BMPR1B: variants seen among roughly 807,000 people sequenced by gnomAD.
BMPR1B encodes the protein bone morphogenetic protein receptor type-1B.
Under a neutral mutation model 59.1 loss-of-function variants are expected in BMPR1B, and 12 were observed. The observed-to-expected ratio is 0.20, with a 90% CI of 0.13 to 0.33. The LOEUF is 0.33. BMPR1B is among the 10% of genes least tolerant of loss of function. The pLI, the probability that BMPR1B is intolerant of heterozygous loss-of-function variation, is 1.00. For missense variants in BMPR1B, 550 were observed against 610.9 expected (o/e 0.90, Z 1.05); for synonymous variants, 237 against 207.3 (o/e 1.14, Z -1.23).
chr4:94,905,914 CTT>C (rs34853734), intron 2 of BMPR1B, among the ~76,000 whole-genome samples: 21,259 of 137,742 alleles, frequency 0.15, 1,657 homozygotes, highest in South Asian at 0.21. Flanking sequence ...TTTGTTTATT[CTT>C]TTTTTTTTTT....
rs1731065701 is a variant in BMPR1B, at chr4:95,104,532, C to T, written c.108C>T (p.His36=). The change falls in exon 4 of 13, where the codon CAC becomes CAT. Residue 36 remains histidine, a synonymous_variant. Transcript: ENST00000515059. ...RPKVLRCKCH[H]HCPEDSVNNI... is the part of the protein sequence containing the mutation. ...AGGTCTTGCGTTGTAAATGCCACCA[C>T]CATTGTCCAGAAGACTCAGTCAACA... 6.2e-7 allele frequency: 1 copy of T among 1,613,438 alleles called. No individual in the cohort carries two copies. The highest frequency in any genetic ancestry group is 1.3e-5 in the African/African-American group (1 of 74,948).
intron 2 of BMPR1B, among the ~76,000 whole-genome samples, chr4:94,880,524 G>A (rs909385766): frequency 2.0e-5 from 3 of 151,832 alleles, no homozygotes; most frequent in African/African-American, 7.3e-5. Context: ...GGGATTGTAC[G>A]GTGTTGCCCA....
intron 2 of BMPR1B, among the ~76,000 whole-genome samples, chr4:94,943,789 A>G (rs1188969005): frequency 2.0e-5 from 3 of 152,184 alleles, no homozygotes; most frequent in African/African-American, 7.2e-5. Context: ...AATTGTCCTG[A>G]ATTCATTCTG....
intron 2 of BMPR1B, among the ~76,000 whole-genome samples, chr4:94,929,801 C>T (rs1052246474): frequency 2.0e-5 from 3 of 152,034 alleles, no homozygotes; most frequent in African/African-American, 7.2e-5. Flanking sequence ...CACGTCTCCA[C>T]TTGGAATGAT....
chr4:95,139,623 C>T (rs555327253), intron 10 of BMPR1B, among the ~76,000 whole-genome samples: 1 of 152,206 alleles, frequency 6.6e-6, no homozygotes, highest in Non-Finnish European at 1.5e-5. Context: ...GCGGACGCCC[C>T]TCCCTCAGCC....
chr4:94,928,358 T>C (rs1728970265), intron 2 of BMPR1B, among the ~76,000 whole-genome samples: 1 of 151,956 alleles, frequency 6.6e-6, no homozygotes, highest in Non-Finnish European at 1.5e-5. Context: ...ATCTTCCGAA[T>C]GGGTGTGTGT....
intron 1 of BMPR1B, among the ~76,000 whole-genome samples, chr4:94,778,442 C>T (rs1281946597): frequency 6.6e-6 from 1 of 152,042 alleles, no homozygotes; most frequent in African/African-American, 2.4e-5. Context: ...CTTTGTGATA[C>T]ACTGTTGGGG....
chr4:94,866,125 A>ATTTT (rs926243305), intron 1 of BMPR1B, among the ~76,000 whole-genome samples: 1 of 152,194 alleles, frequency 6.6e-6, no homozygotes, highest in Non-Finnish European at 1.5e-5. Flanking sequence ...GTTGCTGAGT[A>ATTTT]AAAATTCTGT....
intron 3 of BMPR1B, among the ~76,000 whole-genome samples, chr4:95,059,300 CAT>C (rs1479643516): frequency 7.9e-5 from 12 of 152,296 alleles, no homozygotes; most frequent in South Asian, 2.1e-4. Flanking sequence ...TATCCACACA[CAT>C]ATGTTTCTTA....
chr4:94,795,707 G>A (rs1406247963), intron 1 of BMPR1B, among the ~76,000 whole-genome samples: 3 of 151,944 alleles, frequency 2.0e-5, no homozygotes, highest in South Asian at 2.1e-4. Flanking sequence ...CAAGTGATCC[G>A]CCCACCTTGG....
chr4:95,093,051 G>A (rs903407848), intron 3 of BMPR1B, among the ~76,000 whole-genome samples: 1 of 152,140 alleles, frequency 6.6e-6, no homozygotes, highest in Non-Finnish European at 1.5e-5. Flanking sequence ...ACAATGTGGA[G>A]CTGAATTGAC....
intron 2 of BMPR1B, among the ~76,000 whole-genome samples, chr4:94,960,474 A>G (rs191050505): frequency 6.6e-6 from 1 of 152,240 alleles, no homozygotes; most frequent in East Asian, 1.9e-4. Context: ...GTAATGTTAG[A>G]GCGTAACAGA....
At chr4:94,873,483 TG>T (rs1345371421) in intron 1 of BMPR1B, among the ~76,000 whole-genome samples, 6 of 151,524 alleles carry the variant, frequency 4.0e-5, no homozygotes, top group Admixed American at 6.6e-5. Flanking sequence ...CTCGGCTCAC[TG>T]CAACTTCTGC....
At chr4:95,112,945 C>T (rs947564070) in intron 4 of BMPR1B, among the ~76,000 whole-genome samples, 3 of 152,022 alleles carry the variant, frequency 2.0e-5, no homozygotes, top group Non-Finnish European at 4.4e-5. Flanking sequence ...TAGGGTACTT[C>T]TCTAGCCCCT....
chr4:94,828,883 A>G (rs1218053892), intron 1 of BMPR1B, among the ~76,000 whole-genome samples: 2 of 152,188 alleles, frequency 1.3e-5, no homozygotes, highest in Non-Finnish European at 2.9e-5. Context: ...TAAAGAGCTA[A>G]TCATTTAAAA....
In BMPR1B at chr4:95,152,753, A is replaced by C. The variant is rs756258100; in HGVS notation, c.1363A>C (p.Asn455His). Residue 455 changes from asparagine (N) to histidine (H), a missense_variant, in exon 12 of 13, where the codon AAC (asparagine) becomes CAC (histidine). Physicochemically the swap from Asn to His is moderately conservative, Grantham distance 68. Transcript: ENST00000515059. ...CAAGAAGTTACGCCCCTCATTCCCA[A>C]ACCGGTGGAGCAGTGATGAGGTAAG... Reference protein sequence around the residue: ...CIKKLRPSFPNRWSSDECLRQ... With the variant: ...CIKKLRPSFPHRWSSDECLRQ... The C allele has an allele frequency of 2.0e-5, 33 of 1,611,802 alleles. No homozygotes were observed. Among genetic ancestry groups the C allele is most frequent in the Non-Finnish European group, 2.8e-5 (33 of 1,179,100 alleles).
At chr4:95,027,284 T>C (rs543474844) in intron 3 of BMPR1B, among the ~76,000 whole-genome samples, 2 of 152,276 alleles carry the variant, frequency 1.3e-5, no homozygotes, top group East Asian at 3.9e-4. Context: ...AAAAATAAAG[T>C]TAGAGGTCAA....
At position 95,115,793 on chromosome 4, in the gene BMPR1B, T is replaced by C. The variant is rs1489830415; in HGVS notation, c.349+6T>C. The stretch of plus-strand genomic sequence containing the variant: ...GCCTCCATTGAAAAACAGAGGTAAG[T>C]GAGGAAGGCTTCCAGCCTGGAAAAT... On this transcript the variant is annotated splice_donor_region_variant and intron_variant, in intron 6 of 12. Transcript: ENST00000515059. 2 of 1,601,680 alleles carry C rather than the reference T, an allele frequency of 1.2e-6. No individual in the cohort carries two copies. The highest frequency in any genetic ancestry group is 1.7e-6 in the Non-Finnish European group (2 of 1,169,390).
intron 3 of BMPR1B, among the ~76,000 whole-genome samples, chr4:95,050,207 A>G (rs1302627510): frequency 6.6e-6 from 1 of 152,142 alleles, no homozygotes; most frequent in East Asian, 1.9e-4. Context: ...ATTTTACTAT[A>G]TACCAATCTC....
Sources: allele counts gnomAD v4.1 joint callset (sites outside exome capture counted in the v4.1 genomes callset), GRCh38; gene constraint gnomAD v4.1.1; transcripts MANE v1.5; gene names NCBI Gene and HGNC (gene_info 2026-07-23, HGNC 2026-07-21).